Variants in ANKRD28 observed in about 807,000 individuals in gnomAD.
ANKRD28 encodes ankyrin repeat domain 28.
A neutral mutation model predicts 126.5 loss-of-function variants in ANKRD28; 44 were observed. That is an observed-to-expected ratio of 0.35 (90% CI 0.27 to 0.45). ANKRD28 has a LOEUF of 0.45. Among genes scored for constraint, ANKRD28 ranks in the 20% least tolerant of loss-of-function variants. ANKRD28 has a pLI of 1.00. For synonymous variants in ANKRD28, 442 were observed against 468.5 expected, an observed-to-expected ratio of 0.94 and a Z score of 0.73; for missense variants, 1,110 against 1,316.6, an observed-to-expected ratio of 0.84 and a Z score of 2.43.
At chr3:15,740,381 A>T (rs1225587557) in intron 4 of ANKRD28, among the ~76,000 whole-genome samples, 1 of 152,214 alleles carries the variant, frequency 6.6e-6, no homozygotes, top group South Asian at 2.1e-4. Context: ...TTATATTTCA[A>T]TTTAAAAAGG....
At chr3:15,823,647 T>C (rs1428384510) in intron 1 of ANKRD28, among the ~76,000 whole-genome samples, 1 of 152,154 alleles carries the variant, frequency 6.6e-6, no homozygotes, top group Non-Finnish European at 1.5e-5. Context: ...TAACATCCCT[T>C]ATGATTATGT....
Position 15,713,647 on chromosome 3 carries a change from A to G in ANKRD28, c.1076-6T>C, listed in dbSNP as rs1575330438. 4 of 1,581,608 alleles carry G rather than the reference A, an allele frequency of 2.5e-6. No homozygotes were observed. Among genetic ancestry groups the G allele is most frequent in the African/African-American group, 2.7e-5 (2 of 73,646 alleles). ...CTCACAGTCGATTACAGCTCCTGCA[A>G]TATAGGACTTACTGTCAGACACTGG... On this transcript the variant is annotated splice_polypyrimidine_tract_variant and splice_region_variant and intron_variant, in intron 9 of 27. Transcript: ENST00000683139.
In ANKRD28 at chr3:15,833,524, T is replaced by C. The variant is rs1291530067; in HGVS notation, c.27+25853A>G. ...CTACATATTATGTACTATATATATA[T>C]AAAATATATACATTATTTTTTATAT... On this transcript the variant is annotated intron_variant, in intron 1 of 27. Transcript: ENST00000399451. This position sits in a 1 kb window ranked among gnomAD's most constrained non-coding sequence, Gnocchi z 4.4. 6.7e-6 allele frequency among the ~76,000 whole-genome samples: 1 copy of C among 148,464 alleles called. No homozygotes were observed. Among genetic ancestry groups the C allele is most frequent in the Non-Finnish European group, 1.5e-5 (1 of 67,322 alleles).
upstream of ANKRD28, among the ~76,000 whole-genome samples, chr3:15,799,535 A>G (rs1337635623): frequency 1.3e-5 from 2 of 152,130 alleles, no homozygotes; most frequent in African/African-American, 2.4e-5. Context: ...TTGAACATAC[A>G]TCAATTATGT....
In ANKRD28 at chr3:15,843,766, A is replaced by T. The variant is rs1041641560; in HGVS notation, c.27+15611T>A. Among the ~76,000 whole-genome samples the T allele has an allele frequency of 3.8e-5, 3 of 78,180 alleles. No homozygotes were observed. The highest frequency in any genetic ancestry group is 9.4e-4 in the South Asian group (2 of 2,134). The allele number at this position is 78,180 out of a possible 152,430, so 51.3% of individuals were successfully genotyped here. On this transcript the variant is annotated intron_variant, in intron 1 of 27. Transcript: ENST00000399451. This position sits in a 1 kb window ranked among gnomAD's most constrained non-coding sequence, Gnocchi z 5.2. Reference sequence around the variant, plus strand: ...AGTACAGTAGGCCAGTTTGAGCCAAAAATAATAAAAAAAAAAAAGAGGCAG... The same window carrying T: ...AGTACAGTAGGCCAGTTTGAGCCAATAATAATAAAAAAAAAAAAGAGGCAG...
At chr3:15,792,888 C>G (rs1337939179) in intron 2 of ANKRD28, among the ~76,000 whole-genome samples, 1 of 152,004 alleles carries the variant, frequency 6.6e-6, no homozygotes, top group Admixed American at 6.6e-5. Context: ...GAAGAAAAAT[C>G]TATTAGGTGT....
rs902099012 is a variant in ANKRD28, at chr3:15,814,326, A to G, written c.28-19020T>C. 3 of 1,267,078 alleles carry G rather than the reference A, an allele frequency of 2.4e-6. No homozygotes were observed. Among genetic ancestry groups the G allele is most frequent in the Admixed American group, 5.0e-5 (2 of 39,648 alleles). The allele number at this position is 1,267,078 out of a possible 1,614,324, so 78.5% of individuals were successfully genotyped here. A position where few individuals can be genotyped will look rare whatever the true frequency, so the allele number is the denominator to read the frequency against. ...ATCACAGGCCTGTAGCAGAAAACAG[A>G]TATCAAAAGAAAGAATACGCTGATC... On this transcript the variant is annotated intron_variant, in intron 1 of 27. Transcript: ENST00000399451. The surrounding 1 kb of genome is among the most constrained non-coding windows in gnomAD (Gnocchi z 4.7).
In ANKRD28 at chr3:15,675,879, G is replaced by T; in HGVS notation, c.2965+19C>A. The T allele has an allele frequency of 6.3e-7, 1 of 1,579,848 alleles. No homozygotes were observed. Among genetic ancestry groups the T allele is most frequent in the Non-Finnish European group, 8.7e-7 (1 of 1,155,812 alleles). On this transcript the variant is annotated intron_variant, in intron 27 of 27. Transcript: ENST00000683139. ...ATAAAAGCTCTAGGTTAAGGGAAGAGAATATAGAACCAACTTACCATTTTC... is the reference window on the plus strand; with the variant it reads ...ATAAAAGCTCTAGGTTAAGGGAAGATAATATAGAACCAACTTACCATTTTC...
intron 2 of ANKRD28, among the ~76,000 whole-genome samples, chr3:15,770,580 G>C (rs978357879): frequency 2.0e-5 from 3 of 152,094 alleles, no homozygotes; most frequent in Non-Finnish European, 4.4e-5. Flanking sequence ...AAGAACAATT[G>C]AAATCAAACA....
chr3:15,793,319 C>T (rs1225079960), intron 2 of ANKRD28, among the ~76,000 whole-genome samples: 1 of 152,154 alleles, frequency 6.6e-6, no homozygotes, highest in Non-Finnish European at 1.5e-5. Context: ...AGGCAACACT[C>T]TCAACTACTA....
chr3:15,717,466 T>A (rs917486984), intron 8 of ANKRD28, among the ~76,000 whole-genome samples: 1 of 151,856 alleles, frequency 6.6e-6, no homozygotes, highest in Non-Finnish European at 1.5e-5. Context: ...AGAAACAATG[T>A]GGAGTTTTCT....
intron 3 of ANKRD28, among the ~76,000 whole-genome samples, chr3:15,761,231 C>G (rs1423756018): frequency 1.3e-5 from 2 of 152,102 alleles, no homozygotes; most frequent in Non-Finnish European, 2.9e-5. Context: ...GCTTAATTTA[C>G]TTAAGATTAT....
chr3:15,782,369 A>G (rs1228271270), intron 2 of ANKRD28, among the ~76,000 whole-genome samples: 1 of 152,176 alleles, frequency 6.6e-6, no homozygotes, highest in African/African-American at 2.4e-5. Flanking sequence ...AAATTATAAA[A>G]TACAGATAAA....
At chr3:15,715,189 G>A (rs1392366825) in intron 8 of ANKRD28, among the ~76,000 whole-genome samples, 2 of 152,132 alleles carry the variant, frequency 1.3e-5, no homozygotes, top group Non-Finnish European at 2.9e-5. Flanking sequence ...TTCCAAATAT[G>A]AAGAAAAACA....
In ANKRD28 at chr3:15,797,011, G is replaced by C. The variant is rs1270343962; in HGVS notation, c.-490C>G. Reference sequence around the variant, plus strand: ...CAAGGTCATATAGTTACCAGTAGCTGTTTTGCTTATAATTGAAAATAAAAA... The same window carrying C: ...CAAGGTCATATAGTTACCAGTAGCTCTTTTGCTTATAATTGAAAATAAAAA... On this transcript the variant is annotated 5_prime_UTR_variant, in exon 1 of 28. Transcript: ENST00000683139. The C allele has an allele frequency of 3.0e-6, 3 of 985,030 alleles. No individual in the cohort carries two copies. In the African/African-American group the frequency reaches 5.2e-5, roughly 17 times the overall value. 61.0% of individuals were successfully genotyped at this position (985,030 alleles called of 1,614,324 possible). A position where few individuals can be genotyped will look rare whatever the true frequency, so the allele number is the denominator to read the frequency against.
chr3:15,773,874 T>C (rs1375976568), intron 2 of ANKRD28, among the ~76,000 whole-genome samples: 2 of 152,036 alleles, frequency 1.3e-5, no homozygotes, highest in African/African-American at 4.8e-5. Context: ...AGAAACAATT[T>C]AGGAGGAACA....
Position 15,707,829 on chromosome 3 carries a change from A to G in ANKRD28, c.1547+95T>C, listed in dbSNP as rs545658802. 2.8e-6 allele frequency: 4 copies of G among 1,437,458 alleles called. No homozygotes were observed. In the African/African-American group the frequency reaches 5.6e-5, roughly 20 times the overall value. The allele number at this position is 1,437,458 out of a possible 1,614,324, so 89.0% of individuals were successfully genotyped here. On this transcript the variant is annotated intron_variant, in intron 14 of 27. Coordinates refer to ENST00000683139, the MANE Select transcript of ANKRD28 (RefSeq NM_001349278.2). Reference sequence around the variant, plus strand: ...GGCAAAGATAATCAACAAAAAATACAAAGAGGAAACACAAATTTGCAACAA... The same window carrying G: ...GGCAAAGATAATCAACAAAAAATACGAAGAGGAAACACAAATTTGCAACAA...
At chr3:15,858,399 A>T (rs1408361402) in intron 1 of ANKRD28, among the ~76,000 whole-genome samples, 1 of 152,236 alleles carries the variant, frequency 6.6e-6, no homozygotes, top group African/African-American at 2.4e-5. Context: ...AGAATTCTTG[A>T]TATTAGATTC....
intron 2 of ANKRD28, among the ~76,000 whole-genome samples, chr3:15,786,603 T>C (rs1309848521): frequency 1.3e-5 from 2 of 152,078 alleles, no homozygotes; most frequent in Non-Finnish European, 2.9e-5. Flanking sequence ...ACTTTATATA[T>C]ATGCAGTTTA....
Sources: allele counts gnomAD v4.1 joint callset (sites outside exome capture counted in the v4.1 genomes callset), GRCh38; gene constraint gnomAD v4.1.1; non-coding constraint Gnocchi (gnomAD v3.1); transcripts MANE v1.5; gene names NCBI Gene and HGNC (gene_info 2026-07-23, HGNC 2026-07-21).